The following GABBR2 variants were observed in gnomAD, a reference collection of about 807,000 sequenced individuals.
The protein encoded by GABBR2 is G-protein coupled receptor 51.
In GABBR2, 23 loss-of-function variants were observed where a neutral mutation model predicts 105.6. That is an observed-to-expected ratio of 0.22 (90% confidence interval 0.16 to 0.31). The LOEUF is 0.31. GABBR2 is among the 10% of genes least tolerant of loss of function. The pLI is 1.00. For missense variants in GABBR2, 734 were observed against 1,245.5 expected, an observed-to-expected ratio of 0.59 and a Z score of 6.18; for synonymous variants, 478 against 499.7, an observed-to-expected ratio of 0.96 and a Z score of 0.58.
chr9:98,457,263 A>G (rs904252573), intron 6 of GABBR2, among the ~76,000 whole-genome samples: 1 of 152,242 alleles, frequency 6.6e-6, no homozygotes, highest in African/African-American at 2.4e-5. Context: ...GACTACATTC[A>G]GATGACATTT....
chr9:98,438,412 A>G (rs1825972038), intron 7 of GABBR2, among the ~76,000 whole-genome samples: 1 of 152,136 alleles, frequency 6.6e-6, no homozygotes. Context: ...CTGAGGAGAC[A>G]TTCAAGAAGT....
intron 13 of GABBR2, among the ~76,000 whole-genome samples, chr9:98,346,081 G>T (rs650545): frequency 0.15 from 22,618 of 152,214 alleles, 2,072 homozygotes; most frequent in African/African-American, 0.25. Context: ...CTTATTGATG[G>T]CAGCTGACTG....
chr9:98,590,735 A>G (rs917562864), intron 1 of GABBR2, among the ~76,000 whole-genome samples: 1 of 152,164 alleles, frequency 6.6e-6, no homozygotes, highest in Non-Finnish European at 1.5e-5. Context: ...TCCATTCCAC[A>G]TTTGTGGGGC....
intron 4 of GABBR2, among the ~76,000 whole-genome samples, chr9:98,482,590 T>A (rs985420267): frequency 6.6e-6 from 1 of 152,196 alleles, no homozygotes; most frequent in African/African-American, 2.4e-5. Context: ...ATTGATCATC[T>A]ACTTTGTGCC....
intron 1 of GABBR2, among the ~76,000 whole-genome samples, chr9:98,657,751 T>C (rs1466243354): frequency 1.3e-5 from 2 of 152,280 alleles, no homozygotes; most frequent in East Asian, 1.9e-4. Flanking sequence ...AACTGGATCA[T>C]GGGAGCCATT....
At chr9:98,498,500 G>T (rs1827330284) in intron 3 of GABBR2, among the ~76,000 whole-genome samples, 1 of 152,214 alleles carries the variant, frequency 6.6e-6, no homozygotes, top group Admixed American at 6.5e-5. Context: ...TCACAGGATG[G>T]TCAACACCAA....
At chr9:98,542,213 G>A (rs1828318313) in intron 2 of GABBR2, among the ~76,000 whole-genome samples, 170 bp from the exon 3 acceptor site, 1 of 152,136 alleles carries the variant, frequency 6.6e-6, no homozygotes, top group African/African-American at 2.4e-5. Flanking sequence ...TAATGGAAGG[G>A]AAGGTTTAAA....
Position 98,328,667 on chromosome 9 carries a change from AT to A in GABBR2, c.1894-17463del, listed in dbSNP as rs1410957574. On this transcript the variant is annotated intron_variant, in intron 13 of 18. Coordinates refer to ENST00000259455, the MANE Select transcript of GABBR2 (RefSeq NM_005458.8). ...GCAGGGAAGTGAAATTAAGTTTTGC[AT>A]TTTTTCTTTATCACAGACCCCCAAA... Among the ~76,000 whole-genome samples, 3 of 152,150 alleles carry A rather than the reference AT, an allele frequency of 2.0e-5. No individual in the cohort carries two copies. In the East Asian group the frequency reaches 5.8e-4, roughly 29 times the overall value.
intron 13 of GABBR2, among the ~76,000 whole-genome samples, chr9:98,323,800 T>C (rs1348744452): frequency 6.6e-6 from 1 of 152,196 alleles, no homozygotes; most frequent in East Asian, 1.9e-4. Flanking sequence ...GGTTGGCTGT[T>C]CATGGTGACT....
At chr9:98,681,879 A>T (rs1178751118) in intron 1 of GABBR2, among the ~76,000 whole-genome samples, 2 of 152,228 alleles carry the variant, frequency 1.3e-5, no homozygotes, top group East Asian at 3.8e-4. Context: ...CATGACACCA[A>T]AAGCAGAAAC....
intron 5 of GABBR2, among the ~76,000 whole-genome samples, chr9:98,473,976 G>C (rs959185995): frequency 1.3e-4 from 20 of 152,316 alleles, no homozygotes; most frequent in African/African-American, 4.6e-4. Context: ...TAAGTGTGTA[G>C]TTTATATAAG....
chr9:98,657,104 A>C (rs4743246), intron 1 of GABBR2, among the ~76,000 whole-genome samples: 141,547 of 152,282 alleles, frequency 0.93, 65,920 homozygotes, highest in African/African-American at 0.97. Flanking sequence ...GGCCACGTTT[A>C]CCTGTGGTAA....
chr9:98,537,950 C>T (rs1226276451), intron 3 of GABBR2, among the ~76,000 whole-genome samples: 1 of 152,174 alleles, frequency 6.6e-6, no homozygotes, highest in African/African-American at 2.4e-5. Context: ...GGAAGCCTCA[C>T]CACTCACCCC....
chr9:98,385,577 G>A lies in GABBR2; in HGVS notation c.1662+63C>T, dbSNP rs1378336230. ...TTTCTGGGTTTGCATCTGTGTTTTC[G>A]ATGACTGAGGTCACCAAGGAAACTT... On this transcript the variant is annotated intron_variant, in intron 11 of 18. Coordinates refer to ENST00000259455, the MANE Select transcript of GABBR2 (RefSeq NM_005458.8). The A allele has an allele frequency of 1.1e-5, 15 of 1,394,320 alleles. No homozygotes were observed. The Admixed American group carries it at 1.6e-4, about 15-fold the overall frequency. The allele number at this position is 1,394,320 out of a possible 1,614,324, so 86.4% of individuals were successfully genotyped here.
chr9:98,667,397 G>A (rs1425178132), intron 1 of GABBR2, among the ~76,000 whole-genome samples: 1 of 152,098 alleles, frequency 6.6e-6, no homozygotes, highest in Non-Finnish European at 1.5e-5. Context: ...TCCCCTTCAG[G>A]AGCTGGGCAC....
At chr9:98,667,928 G>A (rs978857057) in intron 1 of GABBR2, among the ~76,000 whole-genome samples, 1 of 152,180 alleles carries the variant, frequency 6.6e-6, no homozygotes, top group African/African-American at 2.4e-5. Flanking sequence ...GTCCTTTACT[G>A]GAACTTGCCC....
At chr9:98,695,606 T>C (rs1488693073) in intron 1 of GABBR2, among the ~76,000 whole-genome samples, 3 of 152,362 alleles carry the variant, frequency 2.0e-5, no homozygotes, top group Non-Finnish European at 4.4e-5. Context: ...TTTCACATTT[T>C]CATATGCATT....
At chr9:98,630,961 C>T (rs1829808986) in intron 1 of GABBR2, among the ~76,000 whole-genome samples, 1 of 152,204 alleles carries the variant, frequency 6.6e-6, no homozygotes, top group Non-Finnish European at 1.5e-5. Context: ...TCACTAGCCA[C>T]ACGTGGCTGG....
At chr9:98,647,307 C>T (rs1054114215) in intron 1 of GABBR2, among the ~76,000 whole-genome samples, 1 of 152,216 alleles carries the variant, frequency 6.6e-6, no homozygotes, top group Admixed American at 6.5e-5. Context: ...TTTACCTGAT[C>T]ATGCCAGACC....
Sources: allele counts gnomAD v4.1 joint callset (sites outside exome capture counted in the v4.1 genomes callset), GRCh38; gene constraint gnomAD v4.1.1; transcripts MANE v1.5; gene names NCBI Gene and HGNC (gene_info 2026-07-23, HGNC 2026-07-21).